Variants in AR observed in about 807,000 individuals in gnomAD.
AR encodes dihydrotestosterone receptor.
AR carries 8 observed loss-of-function variants against 53.9 expected under a neutral mutation model. That is an observed-to-expected ratio of 0.15 (90% confidence interval 0.09 to 0.27). AR has a LOEUF of 0.27. AR is among the 10% of genes least tolerant of loss of function. AR has a pLI of 1.00. For missense variants in AR, 639 were observed against 742.5 expected, an observed-to-expected ratio of 0.86 and a Z score of 1.62; for synonymous variants, 359 against 316.4, an observed-to-expected ratio of 1.13 and a Z score of -1.43.
Position 67,723,939 on chromosome X carries a change from G to A in AR, c.*98G>A. The A allele has an allele frequency of 1.9e-6, 2 of 1,060,142 alleles. No individual in the cohort carries two copies. Among genetic ancestry groups the A allele is most frequent in the East Asian group, 3.0e-5 (1 of 32,921 alleles). The allele number at this position is 1,060,142 out of a possible 1,213,427, so 87.4% of individuals were successfully genotyped here. ...CACTACTCCTCTGCAGTGCCTTGGG[G>A]AATTTCCTCTATTGATGTACAGTCT... On this transcript the variant is annotated 3_prime_UTR_variant, in exon 8 of 8. Transcript: ENST00000374690.
chrX:67,590,336 A>G (rs1361561442), intron 1 of AR, among the ~76,000 whole-genome samples: 3 of 111,774 alleles, frequency 2.7e-5, no homozygotes, highest in Non-Finnish European at 5.6e-5. Context: ...TGCTATGATA[A>G]CAATTGTTCA....
At chrX:67,715,184 T>C (rs191638511) in intron 4 of AR, among the ~76,000 whole-genome samples, 2 of 111,199 alleles carry the variant, frequency 1.8e-5, no homozygotes, top group Non-Finnish European at 3.8e-5. Context: ...CTACCCAAGA[T>C]ATTCAGGGTC....
intron 1 of AR, among the ~76,000 whole-genome samples, chrX:67,615,451 A>T (rs1177607068): frequency 9.0e-6 from 1 of 111,384 alleles, no homozygotes; most frequent in African/African-American, 3.3e-5. Flanking sequence ...AAAAACTGTC[A>T]GTCAAGAATC....
At chrX:67,653,310 A>T (rs760088605) in intron 2 of AR, among the ~76,000 whole-genome samples, 7 of 112,245 alleles carry the variant, frequency 6.2e-5, no homozygotes, top group Non-Finnish European at 1.3e-4. Flanking sequence ...TGGCTATGTG[A>T]TGAATAGTTA....
chrX:67,591,853 C>A (rs920925491), intron 1 of AR, among the ~76,000 whole-genome samples: 3 of 111,847 alleles, frequency 2.7e-5, no homozygotes, highest in African/African-American at 9.7e-5. Flanking sequence ...AAAATAATTT[C>A]TTCCCTTAAA....
intron 2 of AR, among the ~76,000 whole-genome samples, chrX:67,670,509 A>G (rs928771359): frequency 2.7e-4 from 29 of 106,916 alleles, no homozygotes; most frequent in Non-Finnish European, 4.2e-4. Context: ...ATTAGCAGCT[A>G]TACTAATATA....
At chrX:67,567,914 G>T (rs768094875) in intron 1 of AR, among the ~76,000 whole-genome samples, 2 of 111,850 alleles carry the variant, frequency 1.8e-5, no homozygotes, top group African/African-American at 6.5e-5. Context: ...GCCTGTGCAT[G>T]TGTGGTGTAA....
intron 3 of AR, among the ~76,000 whole-genome samples, chrX:67,706,177 G>A (rs1230039681): frequency 8.9e-6 from 1 of 111,834 alleles, no homozygotes; most frequent in African/African-American, 3.3e-5. Context: ...AGTTAGGGAG[G>A]ATTCCCTCTT....
rs2147524871 is a variant in AR at position 67,711,578 on chromosome X, G to T, written c.2062G>T (p.Ala688Ser). ...LEAIEPGVVC[A>S]GHDNNQPDSF... ...AGCCATTGAGCCAGGTGTAGTGTGT[G>T]CTGGACACGACAACAACCAGCCCGA... The change falls in exon 4 of 8, where the codon GCT (alanine) becomes TCT (serine). Residue 688 changes from alanine to serine, a missense_variant. Ala to Ser is a moderately conservative substitution (Grantham distance 99). Coordinates refer to ENST00000374690, the MANE Select transcript of AR (RefSeq NM_000044.6). The T allele has an allele frequency of 1.7e-6, 2 of 1,211,647 alleles. No homozygotes were observed. The highest frequency in any genetic ancestry group is 3.5e-5 in the South Asian group (2 of 56,932).
chrX:67,617,318 C>G (rs1049146683), intron 1 of AR, among the ~76,000 whole-genome samples: 16 of 111,529 alleles, frequency 1.4e-4, no homozygotes, highest in Admixed American at 1.9e-4. Context: ...ATGCCCACCA[C>G]CATGGAAGCT....
Position 67,729,190 on chromosome X carries a change from G to A in AR, c.*5349G>A, listed in dbSNP as rs2076170523. On this transcript the variant is annotated 3_prime_UTR_variant, in exon 8 of 8. Transcript: ENST00000374690. ...ATGTTCTGTAAAGATTTTGACAAAT[G>A]AAAATGTGTTTTTCTCTGTTAAAAC... 5.7e-6 allele frequency: 1 copy of A among 174,679 alleles called. No homozygotes were observed. Among genetic ancestry groups the A allele is most frequent in the Admixed American group, 7.8e-5 (1 of 12,776 alleles). The allele number at this position is 174,679 out of a possible 1,213,427, so 14.4% of individuals were successfully genotyped here. A position where few individuals can be genotyped will look rare whatever the true frequency, so the allele number is the denominator to read the frequency against.
intron 2 of AR, among the ~76,000 whole-genome samples, chrX:67,682,691 A>G (rs1252995266): frequency 1.8e-5 from 2 of 111,695 alleles, no homozygotes; most frequent in African/African-American, 6.5e-5. Flanking sequence ...GAGAAATTGA[A>G]TAAATAATAG....
chrX:67,683,041 C>T (rs1456327376), intron 2 of AR, among the ~76,000 whole-genome samples: 2 of 111,989 alleles, frequency 1.8e-5, no homozygotes, highest in Non-Finnish European at 3.8e-5. Flanking sequence ...TATGTGATCA[C>T]CCACATATGC....
intron 1 of AR, among the ~76,000 whole-genome samples, chrX:67,576,207 G>C (rs1324340487): frequency 9.0e-6 from 1 of 111,104 alleles, no homozygotes; most frequent in Non-Finnish European, 1.9e-5. Context: ...CTCACGGAGA[G>C]CTGGAATATG....
chrX:67,595,440 A>T (rs1490292600), intron 1 of AR, among the ~76,000 whole-genome samples: 1 of 110,633 alleles, frequency 9.0e-6, no homozygotes, highest in African/African-American at 3.3e-5. Context: ...CTGATGGTAT[A>T]ATTTGCTTTT....
intron 2 of AR, among the ~76,000 whole-genome samples, chrX:67,667,068 T>C (rs903972337): frequency 9.0e-6 from 1 of 111,543 alleles, no homozygotes; most frequent in Non-Finnish European, 1.9e-5. Flanking sequence ...TTTAACTTGA[T>C]GTGACCTCAT....
chrX:67,602,954 G>A (rs1923447433), intron 1 of AR, among the ~76,000 whole-genome samples: 1 of 111,805 alleles, frequency 8.9e-6, no homozygotes, highest in Non-Finnish European at 1.9e-5. Flanking sequence ...TGACATAATG[G>A]AATTAATTTA....
intron 3 of AR, among the ~76,000 whole-genome samples, chrX:67,704,763 G>T (rs1367674398): frequency 9.0e-6 from 1 of 111,718 alleles, no homozygotes; most frequent in African/African-American, 3.3e-5. Flanking sequence ...TTTCTTCTAG[G>T]GTTTTATGGT....
At chrX:67,548,158 A>G (rs896806011) in intron 1 of AR, among the ~76,000 whole-genome samples, 2 of 111,886 alleles carry the variant, frequency 1.8e-5, no homozygotes, top group Non-Finnish European at 3.8e-5. Context: ...AAATCCAGCA[A>G]TTTGCCTTCT....
Sources: allele counts gnomAD v4.1 joint callset (sites outside exome capture counted in the v4.1 genomes callset), GRCh38; gene constraint gnomAD v4.1.1; transcripts MANE v1.5; gene names NCBI Gene and HGNC (gene_info 2026-07-23, HGNC 2026-07-21).